Variants in RNF220 observed in about 807,000 individuals in gnomAD.
RNF220 encodes ring finger protein 220, also known as E3 ubiquitin-protein ligase RNF220.
A neutral mutation model predicts 67.1 loss-of-function variants in RNF220; 7 were observed. That is an observed-to-expected ratio of 0.10 (90% CI 0.06 to 0.20). The LOEUF is 0.20. Ranked by LOEUF, RNF220 falls within the 10% of genes least tolerant of loss-of-function variation. The pLI is 1.00. For missense variants in RNF220, 565 were observed against 740.3 expected (o/e 0.76, Z 2.75); for synonymous variants, 270 against 283.2 (o/e 0.95, Z 0.47).
intron 2 of RNF220, among the ~76,000 whole-genome samples, chr1:44,482,662 C>G (rs1047519388): frequency 2.0e-5 from 3 of 152,102 alleles, no homozygotes; most frequent in Non-Finnish European, 4.4e-5. Context: ...TGCTCTGTCA[C>G]CCAGTCTGGA....
chr1:44,608,114 A>G (rs1340423237), intron 2 of RNF220, among the ~76,000 whole-genome samples: 4 of 151,930 alleles, frequency 2.6e-5, no homozygotes, highest in African/African-American at 9.7e-5. Context: ...TTGTAGAGAT[A>G]GGGTCTAACT....
Position 44,489,438 on chromosome 1 carries a change from A to G in RNF220, c.625+76716A>G, listed in dbSNP as rs1022785922. Reference sequence around the variant, plus strand: ...TTCAGAGGAAAGGGAGATGGCTTTCAGCTGGGAGCTCCTCGTATTCTTTGA... The same window carrying G: ...TTCAGAGGAAAGGGAGATGGCTTTCGGCTGGGAGCTCCTCGTATTCTTTGA... On this transcript the variant is annotated intron_variant, in intron 2 of 14. Transcript: ENST00000361799. Among the ~76,000 whole-genome samples the G allele has an allele frequency of 2.0e-5, 3 of 152,264 alleles. No individual in the cohort carries two copies. The East Asian group carries it at 5.8e-4, about 29-fold the overall frequency.
chr1:44,539,912 T>C (rs1034768506), intron 2 of RNF220, among the ~76,000 whole-genome samples: 1 of 152,212 alleles, frequency 6.6e-6, no homozygotes, highest in African/African-American at 2.4e-5. Flanking sequence ...CTTTTGCCTA[T>C]TAGGATAAAC....
chr1:44,441,272 A>G (rs1400822191), intron 2 of RNF220, among the ~76,000 whole-genome samples: 1 of 152,018 alleles, frequency 6.6e-6, no homozygotes, highest in Non-Finnish European at 1.5e-5. Flanking sequence ...AGCTCCAGGC[A>G]TTTTTCTGAG....
intron 2 of RNF220, among the ~76,000 whole-genome samples, chr1:44,536,623 T>G (rs111908204): frequency 7.9e-5 from 12 of 152,286 alleles, no homozygotes; most frequent in African/African-American, 2.4e-4. Flanking sequence ...TGCTTCACTC[T>G]CATGAAATGG....
chr1:44,527,722 T>G (rs1660484964), intron 2 of RNF220, among the ~76,000 whole-genome samples: 2 of 151,658 alleles, frequency 1.3e-5, no homozygotes, highest in South Asian at 4.2e-4. Flanking sequence ...GGGCAGGAGT[T>G]CGAGACCAGC....
At chr1:44,529,980 G>T (rs998608143) in intron 2 of RNF220, among the ~76,000 whole-genome samples, 19 of 152,096 alleles carry the variant, frequency 1.2e-4, no homozygotes, top group African/African-American at 4.3e-4. Context: ...CTTGAACCAG[G>T]GAGGTGGAGG....
Position 44,598,685 on chromosome 1 carries a change from C to T in RNF220, c.626-15480C>T, listed in dbSNP as rs566035461. Among the ~76,000 whole-genome samples the T allele has an allele frequency of 2.6e-5, 4 of 152,136 alleles. No homozygotes were observed. The South Asian group carries it at 8.3e-4, about 32-fold the overall frequency. On this transcript the variant is annotated intron_variant, in intron 2 of 14. Transcript: ENST00000361799. ...CATATGTCCTGGTGTGCATGTCTGT[C>T]AGTGTTTCTAGGCATGGGATTTTGC...
chr1:44,411,215 G>C (rs1039831797), intron 1 of RNF220, among the ~76,000 whole-genome samples: 2 of 152,150 alleles, frequency 1.3e-5, no homozygotes, highest in Non-Finnish European at 2.9e-5. Flanking sequence ...ACCCATTATG[G>C]TTTTAAGTGT....
chr1:44,582,288 C>T lies in RNF220; in HGVS notation c.626-31877C>T, dbSNP rs550943018. Among the ~76,000 whole-genome samples the T allele has an allele frequency of 1.6e-4, 25 of 152,306 alleles. No homozygotes were observed. The East Asian group carries it at 3.3e-3, about 20-fold the overall frequency. On this transcript the variant is annotated intron_variant, in intron 2 of 14. Coordinates refer to ENST00000361799, the MANE Select transcript of RNF220 (RefSeq NM_018150.4). ...CAAAAGCAGGGGTCCTGCTCCTGAGCGGCAATGTCCATCCACTCCCACATC... is the reference window on the plus strand; with the variant it reads ...CAAAAGCAGGGGTCCTGCTCCTGAGTGGCAATGTCCATCCACTCCCACATC...
chr1:44,501,785 G>A (rs1657912980), intron 2 of RNF220, among the ~76,000 whole-genome samples: 1 of 152,064 alleles, frequency 6.6e-6, no homozygotes, highest in African/African-American at 2.4e-5. Context: ...GGGCTGGGTG[G>A]CTTGGGACCT....
At position 44,478,709 on chromosome 1, in the gene RNF220, G is replaced by A. The variant is rs967826124; in HGVS notation, c.625+65987G>A. ...TGGACTCCAGCCTGGGCAACAGAGC[G>A]AGACTCTGTCTCTAAAAAAAAGAGA... On this transcript the variant is annotated intron_variant, in intron 2 of 14. Coordinates refer to ENST00000361799, the MANE Select transcript of RNF220 (RefSeq NM_018150.4). Among the ~76,000 whole-genome samples the A allele has an allele frequency of 1.2e-4, 19 of 152,234 alleles. 1 individual carries two copies. In the Middle Eastern group the frequency reaches 0.014, roughly 109 times the overall value.
chr1:44,599,206 T>A (rs1250687613), intron 2 of RNF220, among the ~76,000 whole-genome samples: 3 of 151,760 alleles, frequency 2.0e-5, no homozygotes, highest in African/African-American at 7.3e-5. Context: ...AATAAATAAA[T>A]AAAACAAAGA....
At chr1:44,549,839 C>T (rs1337219546) in intron 2 of RNF220, among the ~76,000 whole-genome samples, 1 of 152,230 alleles carries the variant, frequency 6.6e-6, no homozygotes, top group Non-Finnish European at 1.5e-5. Context: ...GACAGACCCA[C>T]CTTCGCCCTG....
At chr1:44,423,910 T>C in intron 2 of RNF220, 1 of 985,448 alleles carries the variant, frequency 1.0e-6, no homozygotes, top group Non-Finnish European at 1.2e-6. Flanking sequence ...ACCGTTGTTC[T>C]AGCCTGGCAC....
At chr1:44,559,981 A>G (rs1396834083) in intron 2 of RNF220, among the ~76,000 whole-genome samples, 2 of 152,214 alleles carry the variant, frequency 1.3e-5, no homozygotes, top group Admixed American at 1.3e-4. Flanking sequence ...CCCTCAGCCC[A>G]GGAGGAGCCA....
Position 44,606,604 on chromosome 1 carries a change from T to C in RNF220, c.626-7561T>C, listed in dbSNP as rs574733661. On this transcript the variant is annotated intron_variant, in intron 2 of 14. Transcript: ENST00000361799. This position sits in a 1 kb window ranked among gnomAD's most constrained non-coding sequence, Gnocchi z 4.2. Reference sequence around the variant, plus strand: ...TCTTGGCTTCAATGACATCACACTTTCCTTGTTTTCATTCTACCTCTTGGC... The same window carrying C: ...TCTTGGCTTCAATGACATCACACTTCCCTTGTTTTCATTCTACCTCTTGGC... Among the ~76,000 whole-genome samples, 1 of 152,246 alleles carries C rather than the reference T, an allele frequency of 6.6e-6. No homozygotes were observed. Among genetic ancestry groups the C allele is most frequent in the African/African-American group, 2.4e-5 (1 of 41,462 alleles).
intron 2 of RNF220, among the ~76,000 whole-genome samples, chr1:44,534,897 C>T (rs1405187456): frequency 6.6e-6 from 1 of 152,094 alleles, no homozygotes; most frequent in Non-Finnish European, 1.5e-5. Context: ...AAAGAACATA[C>T]CTGGAACAGA....
intron 2 of RNF220, among the ~76,000 whole-genome samples, chr1:44,589,252 G>C (rs775679178): frequency 2.6e-5 from 4 of 152,220 alleles, no homozygotes; most frequent in Non-Finnish European, 4.4e-5. Context: ...CCAGCTGTGT[G>C]ACCTTCGGCA....
Sources: allele counts gnomAD v4.1 joint callset (sites outside exome capture counted in the v4.1 genomes callset), GRCh38; gene constraint gnomAD v4.1.1; non-coding constraint Gnocchi (gnomAD v3.1); transcripts MANE v1.5; gene names NCBI Gene and HGNC (gene_info 2026-07-23, HGNC 2026-07-21).